The following HIPK3 variants were observed in gnomAD, a reference collection of about 807,000 sequenced individuals.
HIPK3 encodes the protein homeodomain-interacting protein kinase 3.
In HIPK3, 47 loss-of-function variants were observed where a neutral mutation model predicts 124.2. That is an observed-to-expected ratio of 0.38 (90% CI 0.30 to 0.48). The LOEUF is 0.48. Ranked by LOEUF, HIPK3 falls within the 20% of genes least tolerant of loss-of-function variation. HIPK3 has a pLI of 0.98. For missense variants in HIPK3, 1,286 were observed against 1,454.3 expected (o/e 0.88, Z 1.88); for synonymous variants, 482 against 515.2 (o/e 0.94, Z 0.87).
chr11:33,344,192 C>T (rs189228205), intron 8 of HIPK3, among the ~76,000 whole-genome samples: 6 of 152,310 alleles, frequency 3.9e-5, no homozygotes, highest in South Asian at 2.1e-4. Context: ...TTTTATGACA[C>T]TACTTCTAAA....
chr11:33,308,107 T>C (rs765020922), intron 2 of HIPK3, among the ~76,000 whole-genome samples: 3 of 152,162 alleles, frequency 2.0e-5, no homozygotes, highest in Non-Finnish European at 2.9e-5. Context: ...GTGTATGATA[T>C]GAGGTAGAGA....
In HIPK3 at chr11:33,348,308, C is replaced by T. The variant is rs140208315; in HGVS notation, c.2369+80C>T. ...TGTGGACATTCAGATAGCACATTTA[C>T]CAAAAAGCAACTATTTAAATGTATG... On this transcript the variant is annotated intron_variant, in intron 12 of 16. Transcript: ENST00000303296. The T allele has an allele frequency of 5.0e-4, 648 of 1,303,492 alleles. 10 individuals carry two copies. The East Asian group carries it at 0.013, about 27-fold the overall frequency. The allele number at this position is 1,303,492 out of a possible 1,614,324, so 80.7% of individuals were successfully genotyped here.
intron 3 of HIPK3, among the ~76,000 whole-genome samples, chr11:33,332,043 G>C (rs554090247): frequency 6.6e-6 from 1 of 152,254 alleles, no homozygotes; most frequent in Admixed American, 6.5e-5. Flanking sequence ...ACAGGCACGA[G>C]CCACCGCGCC....
intron 1 of HIPK3, chr11:33,258,690 G>A (rs1246231025): frequency 1.0e-6 from 1 of 985,254 alleles, no homozygotes; most frequent in Non-Finnish European, 1.2e-6. Context: ...GTTGTAAAAT[G>A]GTATGTGGCT....
chr11:33,338,422 C>T (rs571039208), intron 4 of HIPK3, among the ~76,000 whole-genome samples: 44 of 152,194 alleles, frequency 2.9e-4, no homozygotes, highest in South Asian at 1.9e-3. Context: ...TTAGTAGAGA[C>T]GGGGTTTCAC....
intron 8 of HIPK3, among the ~76,000 whole-genome samples, chr11:33,343,098 GA>G (rs973773839): frequency 1.3e-5 from 2 of 152,128 alleles, no homozygotes; most frequent in African/African-American, 2.4e-5. Context: ...AGGACACCTG[GA>G]ATCTAATTCT....
intron 3 of HIPK3, among the ~76,000 whole-genome samples, chr11:33,335,437 A>G (rs1244001252): frequency 6.6e-6 from 1 of 152,212 alleles, no homozygotes; most frequent in Non-Finnish European, 1.5e-5. Context: ...GGTAGTAGCC[A>G]TTAGTATCAA....
chr11:33,320,615 G>T (rs1852636223), intron 2 of HIPK3, among the ~76,000 whole-genome samples: 1 of 152,176 alleles, frequency 6.6e-6, no homozygotes, highest in Non-Finnish European at 1.5e-5. Context: ...AGCAGTAAAG[G>T]TAGTTACATT....
At chr11:33,266,971 C>T (rs1252020957) in intron 1 of HIPK3, among the ~76,000 whole-genome samples, 1 of 152,060 alleles carries the variant, frequency 6.6e-6, no homozygotes, top group African/African-American at 2.4e-5. Flanking sequence ...TCTTCTGGAC[C>T]TGTACAGTTT....
At chr11:33,293,451 A>G (rs1851754596) in intron 2 of HIPK3, among the ~76,000 whole-genome samples, 1 of 152,132 alleles carries the variant, frequency 6.6e-6, no homozygotes, top group Non-Finnish European at 1.5e-5. Flanking sequence ...GCCCTAAGCA[A>G]CCACTAATCT....
intron 2 of HIPK3, among the ~76,000 whole-genome samples, chr11:33,304,156 G>A (rs1011870266): frequency 6.6e-6 from 1 of 152,088 alleles, no homozygotes; most frequent in African/African-American, 2.4e-5. Flanking sequence ...GGCTAGGATG[G>A]TCTCCATCTC....
At chr11:33,267,706 C>T (rs1401781966) in intron 1 of HIPK3, among the ~76,000 whole-genome samples, 10 of 150,722 alleles carry the variant, frequency 6.6e-5, no homozygotes. Flanking sequence ...CTGTGTTAGC[C>T]CGGCTGGTCT....
Position 33,279,957 on chromosome 11 carries a change from A to G in HIPK3, c.-2-6456A>G, listed in dbSNP as rs1420852895. 5.3e-5 allele frequency among the ~76,000 whole-genome samples: 8 copies of G among 152,140 alleles called. 1 individual carries two copies. The highest frequency in any genetic ancestry group is 4.6e-4 in the Admixed American group (7 of 15,270). Reference sequence around the variant, plus strand: ...GAGCCCTCGTGATCTACACCTCCCAAAGTTCCCACTTCTTAATACCATCAC... The same window carrying G: ...GAGCCCTCGTGATCTACACCTCCCAGAGTTCCCACTTCTTAATACCATCAC... On this transcript the variant is annotated intron_variant, in intron 1 of 16. Coordinates refer to ENST00000303296, the MANE Select transcript of HIPK3 (RefSeq NM_005734.5).
chr11:33,347,982 A>G lies in HIPK3; in HGVS notation c.2275A>G (p.Thr759Ala), dbSNP rs1853549185. ...IAHVVWPQPA[T>A]TKKNKQCQNR... ...ACATGTTGTCTGGCCTCAGCCTGCC[A>G]CTACCAAGAAAAATAAACAGTGCCA... The change falls in exon 11 of 17, where the codon ACT becomes GCT. Residue 759 changes from threonine to alanine, a missense_variant. Physicochemically the swap from Thr to Ala is moderately conservative, Grantham distance 58. This residue lies in a region of HIPK3 where 810 missense variants were observed against 864.9 expected (regional missense o/e 0.94). Coordinates refer to ENST00000303296, the MANE Select transcript of HIPK3 (RefSeq NM_005734.5). The G allele has an allele frequency of 6.2e-7, 1 of 1,614,214 alleles. No individual in the cohort carries two copies. The highest frequency in any genetic ancestry group is 8.5e-7 in the Non-Finnish European group (1 of 1,180,032).
At chr11:33,282,479 C>G (rs1057274893) in intron 1 of HIPK3, among the ~76,000 whole-genome samples, 2 of 152,100 alleles carry the variant, frequency 1.3e-5, no homozygotes, top group Non-Finnish European at 2.9e-5. Context: ...GCCAGGAGTT[C>G]GAGACCAGCT....
chr11:33,314,206 A>T (rs918111456), intron 2 of HIPK3, among the ~76,000 whole-genome samples: 1 of 152,226 alleles, frequency 6.6e-6, no homozygotes, highest in African/African-American at 2.4e-5. Context: ...CAGACTGCAT[A>T]GGTTTGTATA....
intron 2 of HIPK3, among the ~76,000 whole-genome samples, chr11:33,300,869 G>T (rs1851979361): frequency 6.6e-6 from 1 of 152,018 alleles, no homozygotes; most frequent in African/African-American, 2.4e-5. Context: ...CTGAGTAGCT[G>T]GGACTTCAGG....
intron 2 of HIPK3, among the ~76,000 whole-genome samples, chr11:33,288,496 C>G (rs536446742): frequency 1.3e-5 from 2 of 152,088 alleles, no homozygotes; most frequent in African/African-American, 4.8e-5. Context: ...CTTTGGCTCC[C>G]GTGACTCTTT....
chr11:33,285,639 T>C (rs1428298600), intron 1 of HIPK3, among the ~76,000 whole-genome samples: 1 of 151,806 alleles, frequency 6.6e-6, no homozygotes, highest in African/African-American at 2.4e-5. Context: ...GAGGCAATTC[T>C]TGGGCTTTAG....
Sources: allele counts gnomAD v4.1 joint callset (sites outside exome capture counted in the v4.1 genomes callset), GRCh38; gene constraint gnomAD v4.1.1; regional missense constraint gnomAD v4.1.1; transcripts MANE v1.5; gene names NCBI Gene and HGNC (gene_info 2026-07-23, HGNC 2026-07-21).